RANBP6: variants seen among roughly 807,000 people sequenced by gnomAD.
RANBP6 encodes RAN binding protein 6.
RANBP6 carries 10 observed loss-of-function variants against 35.3 expected under a neutral mutation model. The ratio of observed to expected loss-of-function variants is 0.28; its 90% confidence interval spans 0.17 to 0.48. RANBP6 has a LOEUF of 0.48. Ranked by LOEUF, RANBP6 falls within the 20% of genes least tolerant of loss-of-function variation. The pLI is 0.99. For missense variants in RANBP6, 1,392 were observed against 1,307.7 expected, an observed-to-expected ratio of 1.06 and a Z score of -0.99; for synonymous variants, 514 against 464.2, an observed-to-expected ratio of 1.11 and a Z score of -1.38.
In RANBP6 at chr9:6,014,151, A is replaced by G. The variant is rs1216801631; in HGVS notation, c.1457T>C (p.Leu486Pro). ...IFIEDCPKSL[L>P]VLYVDSMVKN... ...CACCATACTATCCACATATAGAACT[A>G]GCAATGATTTAGGGCAGTCTTCAAT... The change falls in exon 1 of 1, where the codon CTA becomes CCA. Residue 486 changes from leucine (L) to proline (P), a missense_variant. By Grantham distance (98) the Leu-to-Pro change is moderately conservative. Transcript: ENST00000259569. The G allele has an allele frequency of 6.2e-7, 1 of 1,614,030 alleles. No individual in the cohort carries two copies. The highest frequency in any genetic ancestry group is 2.2e-5 in the East Asian group (1 of 44,892).
At position 6,012,952 on chromosome 9, in the gene RANBP6, A is replaced by G; in HGVS notation, c.2656T>C (p.Trp886Arg). 6.2e-7 allele frequency: 1 copy of G among 1,614,196 alleles called. No individual in the cohort carries two copies. Among genetic ancestry groups the G allele is most frequent in the Non-Finnish European group, 8.5e-7 (1 of 1,180,036 alleles). The stretch of plus-strand genomic sequence containing the variant: ...CACAATCCCCACTGTCTGTCTGGCC[A>G]TGGCCTACTTGAACAAATTAGATTT... ...IVNLICSSRP[W>R]PDRQWGLCIF... The change falls in exon 1 of 1, where the codon TGG becomes CGG. Residue 886 changes from tryptophan to arginine, a missense_variant. By Grantham distance (101) the Trp-to-Arg change is moderately radical. Coordinates refer to ENST00000259569, the MANE Select transcript of RANBP6 (RefSeq NM_012416.4).
In RANBP6 at chr9:6,014,928, G is replaced by A. The variant is rs1587506264; in HGVS notation, c.680C>T (p.Pro227Leu). The change falls in exon 1 of 1, where the codon CCT becomes CTT. Residue 227 changes from proline to leucine, a missense_variant. Coordinates refer to ENST00000259569, the MANE Select transcript of RANBP6 (RefSeq NM_012416.4). ...ALFKDFADLL[P>L]GILQAVNDSC... ...GTCATTCACAGCCTGTAAGATTCCA[G>A]GAAGCAAGTCTGCAAAGTCTTTGAA... 6.2e-7 allele frequency: 1 copy of A among 1,614,126 alleles called. No homozygotes were observed. The highest frequency in any genetic ancestry group is 2.2e-5 in the East Asian group (1 of 44,882).
rs1314930022 is a variant in RANBP6, at chr9:6,015,549, T to A, written c.59A>T (p.Tyr20Phe). 1 of 1,610,708 alleles carries A rather than the reference T, an allele frequency of 6.2e-7. No homozygotes were observed. The highest frequency in any genetic ancestry group is 8.5e-7 in the Non-Finnish European group (1 of 1,179,908). ...ATTGATCAGGTTCTTCAGAAGCTGGTAAAACTCTTGCTTTTCTGACACGGT... is the reference window on the plus strand; with the variant it reads ...ATTGATCAGGTTCTTCAGAAGCTGGAAAAACTCTTGCTTTTCTGACACGGT... ...PATVSEKQEF[Y>F]QLLKNLINPS... The change falls in exon 1 of 1, where the codon TAC becomes TTC. Residue 20 changes from tyrosine (Y) to phenylalanine (F), a missense_variant. Transcript: ENST00000259569.
rs1379830137 is a variant in RANBP6, at chr9:6,011,272, A to G, written c.*1018T>C. 3 of 152,214 alleles carry G rather than the reference A, an allele frequency of 2.0e-5. No homozygotes were observed. Among genetic ancestry groups the G allele is most frequent in the Non-Finnish European group, 4.4e-5 (3 of 68,028 alleles). The allele number at this position is 152,214 out of a possible 1,614,324, so 9.4% of individuals were successfully genotyped here. A position where few individuals can be genotyped will look rare whatever the true frequency, so the allele number is the denominator to read the frequency against. On this transcript the variant is annotated 3_prime_UTR_variant, in exon 1 of 1. Coordinates refer to ENST00000259569, the MANE Select transcript of RANBP6 (RefSeq NM_012416.4). ...ACTTATAGAACTGTTTTCTCATAAT[A>G]ATGCACATCTACTGCTAAATGACTA...
rs145952073 is a variant in RANBP6, at chr9:6,013,469, C to G, written c.2139G>C (p.Lys713Asn). ...GFVEYTEQVV[K>N]LMVPLLKFYF... ...AAAATTTCAGTAAAGGAACCATCAG[C>G]TTCACAACTTGTTCTGTATATTCCA... Residue 713 changes from lysine to asparagine, a missense_variant, in exon 1 of 1, where the codon AAG becomes AAC. Physicochemically the swap from Lys to Asn is moderately conservative, Grantham distance 94. Coordinates refer to ENST00000259569, the MANE Select transcript of RANBP6 (RefSeq NM_012416.4). 1 of 1,614,212 alleles carries G rather than the reference C, an allele frequency of 6.2e-7. No homozygotes were observed. The highest frequency in any genetic ancestry group is 1.3e-5 in the African/African-American group (1 of 75,066).
In RANBP6 at chr9:6,012,428, G is replaced by C. The variant is rs1563988135; in HGVS notation, c.3180C>G (p.Asn1060Lys). Residue 1060 changes from asparagine to lysine, a missense_variant, in exon 1 of 1, where the codon AAC (asparagine) becomes AAG (lysine). By Grantham distance (94) the Asn-to-Lys change is moderately conservative. Transcript: ENST00000259569. ...GGCGTTTGGCACAAGGATCCTCATA[G>C]TTAATAGTCTCATTAATTTTTCCTT... ...IAEGKINETI[N>K]YEDPCAKRLA... 6.2e-7 allele frequency: 1 copy of C among 1,613,956 alleles called. No homozygotes were observed. The highest frequency in any genetic ancestry group is 8.5e-7 in the Non-Finnish European group (1 of 1,179,912).
Position 6,013,058 on chromosome 9 carries a change from T to C in RANBP6, c.2550A>G (p.Val850=), listed in dbSNP as rs749835001. ...TAAATAATGAGTGCAAAATATCTGA[T>C]ACTTTGGTCAGAATATAAACATCAC... ...DECDVYILTK[V]SDILHSLFST... Residue 850 remains valine (V), a synonymous_variant, in exon 1 of 1, where the codon GTA becomes GTG. Transcript: ENST00000259569. The C allele has an allele frequency of 1.4e-5, 23 of 1,613,816 alleles. No individual in the cohort carries two copies. The highest frequency in any genetic ancestry group is 1.6e-5 in the Non-Finnish European group (19 of 1,179,970).
Position 6,015,393 on chromosome 9 carries a change from G to A in RANBP6, c.215C>T (p.Ala72Val), listed in dbSNP as rs1463320454. ...AGYEVRQMAA[A>V]LLRRLLSSGF... ...AGAGGACAAAAGCCGTCGTAGCAGTGCGGCAGCCATTTGTCTCACCTCATA... is the reference window on the plus strand; with the variant it reads ...AGAGGACAAAAGCCGTCGTAGCAGTACGGCAGCCATTTGTCTCACCTCATA... The change falls in exon 1 of 1, where the codon GCA becomes GTA. Residue 72 changes from alanine to valine, a missense_variant. Physicochemically the swap from Ala to Val is moderately conservative, Grantham distance 64. Transcript: ENST00000259569. 4.3e-6 allele frequency: 7 copies of A among 1,614,190 alleles called. No homozygotes were observed. The highest frequency in any genetic ancestry group is 1.3e-5 in the African/African-American group (1 of 75,052).
chr9:6,013,891 C>T lies in RANBP6; in HGVS notation c.1717G>A (p.Gly573Ser). 2 of 1,613,894 alleles carry T rather than the reference C, an allele frequency of 1.2e-6. No individual in the cohort carries two copies. The highest frequency in any genetic ancestry group is 1.7e-6 in the Non-Finnish European group (2 of 1,179,956). Residue 573 changes from glycine (G) to serine (S), a missense_variant, in exon 1 of 1, where the codon GGT (glycine) becomes AGT (serine). Coordinates refer to ENST00000259569, the MANE Select transcript of RANBP6 (RefSeq NM_012416.4). ...AATTTTTCCTTCCCAACAGCAAGAC[C>T]AATATGGCTAATGCACTCGATAGTT... ...GKTIECISHIGLAVGKEKFMQ... is the reference protein window; with the variant it reads ...GKTIECISHISLAVGKEKFMQ...
Position 6,012,833 on chromosome 9 carries a change from G to A in RANBP6, c.2775C>T (p.Asn925=), listed in dbSNP as rs182737216. 2 of 1,614,072 alleles carry A rather than the reference G, an allele frequency of 1.2e-6. No homozygotes were observed. The highest frequency in any genetic ancestry group is 1.3e-5 in the African/African-American group (1 of 75,042). Residue 925 remains asparagine (N), a synonymous_variant, in exon 1 of 1, where the codon AAC becomes AAT. Coordinates refer to ENST00000259569, the MANE Select transcript of RANBP6 (RefSeq NM_012416.4). The part of the protein sequence containing the change: ...RWPMLLNMRD[N]NPEVRQAAAY... Reference sequence around the variant, plus strand: ...CAGCAGCTTGCCTGACTTCAGGGTTGTTATCTCGCATATTTAGTAGCATTG... The same window carrying A: ...CAGCAGCTTGCCTGACTTCAGGGTTATTATCTCGCATATTTAGTAGCATTG...
Position 6,015,387 on chromosome 9 carries a change from A to C in RANBP6, c.221T>G (p.Leu74Arg). 2.5e-6 allele frequency: 4 copies of C among 1,614,230 alleles called. No individual in the cohort carries two copies. The highest frequency in any genetic ancestry group is 3.4e-6 in the Non-Finnish European group (4 of 1,180,032). The change falls in exon 1 of 1, where the codon CTA becomes CGA. Residue 74 changes from leucine (L) to arginine (R), a missense_variant. Transcript: ENST00000259569. Reference protein sequence around the residue: ...YEVRQMAAALLRRLLSSGFEE... With the variant: ...YEVRQMAAALRRRLLSSGFEE... Reference sequence around the variant, plus strand: ...AAACCCAGAGGACAAAAGCCGTCGTAGCAGTGCGGCAGCCATTTGTCTCAC... The same window carrying C: ...AAACCCAGAGGACAAAAGCCGTCGTCGCAGTGCGGCAGCCATTTGTCTCAC...
Position 6,013,741 on chromosome 9 carries a change from G to T in RANBP6, c.1867C>A (p.Leu623Ile), listed in dbSNP as rs1289072400. The T allele has an allele frequency of 6.2e-7, 1 of 1,613,900 alleles. No homozygotes were observed. The highest frequency in any genetic ancestry group is 8.5e-7 in the Non-Finnish European group (1 of 1,180,010). ...VSAWARMCKI[L>I]GKDFQQYLPL... Reference sequence around the variant, plus strand: ...AGGTACTGTTGAAAATCTTTTCCAAGAATTTTACACATTCTAGCCCATGCT... The same window carrying T: ...AGGTACTGTTGAAAATCTTTTCCAATAATTTTACACATTCTAGCCCATGCT... The change falls in exon 1 of 1, where the codon CTT becomes ATT. Residue 623 changes from leucine to isoleucine, a missense_variant. Physicochemically the swap from Leu to Ile is conservative, Grantham distance 5. Coordinates refer to ENST00000259569, the MANE Select transcript of RANBP6 (RefSeq NM_012416.4).
Position 6,011,258 on chromosome 9 carries a change from T to A in RANBP6, c.*1032A>T, listed in dbSNP as rs1842465055. On this transcript the variant is annotated 3_prime_UTR_variant, in exon 1 of 1. Coordinates refer to ENST00000259569, the MANE Select transcript of RANBP6 (RefSeq NM_012416.4). The stretch of plus-strand genomic sequence containing the variant: ...ATAATTAACCCTGGACTTATAGAAC[T>A]GTTTTCTCATAATAATGCACATCTA... 1 of 152,246 alleles carries A rather than the reference T, an allele frequency of 6.6e-6. No homozygotes were observed. Among genetic ancestry groups the A allele is most frequent in the Non-Finnish European group, 1.5e-5 (1 of 68,042 alleles). 9.4% of individuals were successfully genotyped at this position (152,246 alleles called of 1,614,324 possible). A position where few individuals can be genotyped will look rare whatever the true frequency, so the allele number is the denominator to read the frequency against.
In RANBP6 at chr9:6,014,294, A is replaced by C; in HGVS notation, c.1314T>G (p.Phe438Leu). The change falls in exon 1 of 1, where the codon TTT (phenylalanine) becomes TTG (leucine). Residue 438 changes from phenylalanine to leucine, a missense_variant. Coordinates refer to ENST00000259569, the MANE Select transcript of RANBP6 (RefSeq NM_012416.4). ...GAAATTTCTTTTGGAAATTAGGTGC[A>C]AAATCTGTAGCCATCTGTCCAAGTG... ...CTTLGQMATD[F>L]APNFQKKFHE... 6.2e-7 allele frequency: 1 copy of C among 1,614,254 alleles called. No homozygotes were observed. Among genetic ancestry groups the C allele is most frequent in the Non-Finnish European group, 8.5e-7 (1 of 1,180,050 alleles).
At position 6,014,276 on chromosome 9, in the gene RANBP6, C is replaced by A. The variant is rs749716100; in HGVS notation, c.1332G>T (p.Lys444Asn). Residue 444 changes from lysine (K) to asparagine (N), a missense_variant, in exon 1 of 1, where the codon AAG (lysine) becomes AAT (asparagine). Coordinates refer to ENST00000259569, the MANE Select transcript of RANBP6 (RefSeq NM_012416.4). ...MATDFAPNFQ[K>N]KFHETVIAAL... Reference sequence around the variant, plus strand: ...CTGCAATCACTGTTTCATGAAATTTCTTTTGGAAATTAGGTGCAAAATCTG... The same window carrying A: ...CTGCAATCACTGTTTCATGAAATTTATTTTGGAAATTAGGTGCAAAATCTG... The A allele has an allele frequency of 4.3e-6, 7 of 1,614,190 alleles. No individual in the cohort carries two copies. The South Asian group carries it at 5.5e-5, about 13-fold the overall frequency.
chr9:6,011,626 G>T lies in RANBP6; in HGVS notation c.*664C>A, dbSNP rs1393161644. ...CTTTTCAGTAACTATGGTTCTTGGAGTCCTGGATAACTTAAAAAAATAGAG... is the reference window on the plus strand; with the variant it reads ...CTTTTCAGTAACTATGGTTCTTGGATTCCTGGATAACTTAAAAAAATAGAG... On this transcript the variant is annotated 3_prime_UTR_variant, in exon 1 of 1. Coordinates refer to ENST00000259569, the MANE Select transcript of RANBP6 (RefSeq NM_012416.4). The T allele has an allele frequency of 1.3e-5, 2 of 152,152 alleles. No individual in the cohort carries two copies. Among genetic ancestry groups the T allele is most frequent in the African/African-American group, 4.8e-5 (2 of 41,430 alleles). 9.4% of individuals were successfully genotyped at this position (152,152 alleles called of 1,614,324 possible). A position where few individuals can be genotyped will look rare whatever the true frequency, so the allele number is the denominator to read the frequency against.
At position 6,012,642 on chromosome 9, in the gene RANBP6, T is replaced by A. The variant is rs778688299; in HGVS notation, c.2966A>T (p.Lys989Met). 5.6e-6 allele frequency: 9 copies of A among 1,613,526 alleles called. No individual in the cohort carries two copies. In the Admixed American group the frequency reaches 1.5e-4, roughly 27 times the overall value. ...NCISAIGKIL[K>M]FKPNCVNVDE... Reference sequence around the variant, plus strand: ...TACATTTACACAGTTAGGCTTAAACTTCAAAATCTTCCCTATTGCTGAGAT... The same window carrying A: ...TACATTTACACAGTTAGGCTTAAACATCAAAATCTTCCCTATTGCTGAGAT... The change falls in exon 1 of 1, where the codon AAG (lysine) becomes ATG (methionine). Residue 989 changes from lysine (K) to methionine (M), a missense_variant. Coordinates refer to ENST00000259569, the MANE Select transcript of RANBP6 (RefSeq NM_012416.4).
chr9:6,012,890 A>G lies in RANBP6; in HGVS notation c.2718T>C (p.Thr906=). 1 of 1,614,130 alleles carries G rather than the reference A, an allele frequency of 6.2e-7. No homozygotes were observed. Among genetic ancestry groups the G allele is most frequent in the Non-Finnish European group, 8.5e-7 (1 of 1,180,014 alleles). ...FDDIIEHCSP[T]SFKYVEYFRW... is the part of the protein sequence containing the mutation. Reference sequence around the variant, plus strand: ...GAAAATATTCTACATATTTAAATGAAGTTGGACTGCAGTGCTCTATGATGT... The same window carrying G: ...GAAAATATTCTACATATTTAAATGAGGTTGGACTGCAGTGCTCTATGATGT... Residue 906 remains threonine (T), a synonymous_variant, in exon 1 of 1, where the codon ACT becomes ACC. Transcript: ENST00000259569.
In RANBP6 at chr9:6,014,548, G is replaced by A; in HGVS notation, c.1060C>T (p.Leu354=). Residue 354 remains leucine, a synonymous_variant, in exon 1 of 1, where the codon CTG becomes TTG. Transcript: ENST00000259569. The part of the protein sequence containing the change: ...AVAAESALDR[L]ACGLGGKVVL... Reference sequence around the variant, plus strand: ...ACTTTTCCACCAAGCCCACAAGCCAGTCTGTCTAGTGCACTCTCCGCAGCA... The same window carrying A: ...ACTTTTCCACCAAGCCCACAAGCCAATCTGTCTAGTGCACTCTCCGCAGCA... The A allele has an allele frequency of 3.1e-6, 5 of 1,614,164 alleles. No homozygotes were observed. The highest frequency in any genetic ancestry group is 1.1e-5 in the South Asian group (1 of 91,086).
Sources: allele counts gnomAD v4.1 joint callset, GRCh38; gene constraint gnomAD v4.1.1; transcripts MANE v1.5; gene names NCBI Gene and HGNC (gene_info 2026-07-23, HGNC 2026-07-21).